ADGRL3: variants seen among roughly 807,000 people sequenced by gnomAD.
ADGRL3 encodes adhesion G protein-coupled receptor L3.
ADGRL3 carries 62 observed loss-of-function variants against 153.5 expected under a neutral mutation model. The ratio of observed to expected loss-of-function variants is 0.40; its 90% CI spans 0.33 to 0.50. The LOEUF (loss-of-function observed/expected upper bound fraction) is 0.50, where lower values mean the gene tolerates loss of function less well. ADGRL3 is among the 20% of genes least tolerant of loss of function. ADGRL3 has a pLI of 0.47. For synonymous variants in ADGRL3, 710 were observed against 672.5 expected, an observed-to-expected ratio of 1.06 and a Z score of -0.86; for missense variants, 1,641 against 1,859.4, an observed-to-expected ratio of 0.88 and a Z score of 2.16.
At chr4:61,868,576 C>T (rs2098416908) in intron 9 of ADGRL3, among the ~76,000 whole-genome samples, 1 of 152,150 alleles carries the variant, frequency 6.6e-6, no homozygotes, top group Non-Finnish European at 1.5e-5. Context: ...CACTGTGACC[C>T]TACTTGCCTT....
At chr4:61,392,993 CAA>C (rs748265942) in intron 2 of ADGRL3, among the ~76,000 whole-genome samples, 1 of 151,978 alleles carries the variant, frequency 6.6e-6, no homozygotes, top group Non-Finnish European at 1.5e-5. Flanking sequence ...GAGTTATACA[CAA>C]TTTTCGAATG....
intron 1 of ADGRL3, among the ~76,000 whole-genome samples, chr4:61,379,019 T>G (rs2096637268): frequency 6.6e-6 from 1 of 152,028 alleles, no homozygotes; most frequent in Admixed American, 6.6e-5. Flanking sequence ...GGGTGAAAAT[T>G]TATTTTCTGT....
rs777002699 is a variant in ADGRL3, at chr4:62,074,525, C to T, written c.*3617C>T. On this transcript the variant is annotated 3_prime_UTR_variant, in exon 27 of 27. Coordinates refer to ENST00000683033, the MANE Select transcript of ADGRL3 (RefSeq NM_001387552.1). ...ATTGGTTGGAATTAAATTTTATGGGCGTCCCTTCTTGTTTCCACTATATTA... is the reference window on the plus strand; with the variant it reads ...ATTGGTTGGAATTAAATTTTATGGGTGTCCCTTCTTGTTTCCACTATATTA... 25 of 152,042 alleles carry T rather than the reference C, an allele frequency of 1.6e-4. No homozygotes were observed. Among genetic ancestry groups the T allele is most frequent in the Non-Finnish European group, 3.2e-4 (22 of 68,002 alleles). The allele number at this position is 152,042 out of a possible 1,614,324, so 9.4% of individuals were successfully genotyped here.
chr4:61,673,782 AT>A (rs1449036013), intron 5 of ADGRL3, among the ~76,000 whole-genome samples: 1 of 151,064 alleles, frequency 6.6e-6, no homozygotes, highest in African/African-American at 2.4e-5. Context: ...TTTCCATTTT[AT>A]TTTTTAATAA....
intron 8 of ADGRL3, among the ~76,000 whole-genome samples, chr4:61,741,483 T>G (rs2096580319): frequency 1.3e-5 from 2 of 152,226 alleles, no homozygotes; most frequent in Non-Finnish European, 2.9e-5. Flanking sequence ...CAGTGCTGCT[T>G]CTTTGCTTGC....
chr4:61,376,943 C>G (rs1263366088), intron 1 of ADGRL3, among the ~76,000 whole-genome samples: 3 of 152,096 alleles, frequency 2.0e-5, no homozygotes, highest in African/African-American at 7.2e-5. Context: ...GAATAGTTCT[C>G]TGCACTAAAG....
intron 2 of ADGRL3, among the ~76,000 whole-genome samples, chr4:61,433,004 A>G (rs913789710): frequency 1.3e-5 from 2 of 152,004 alleles, no homozygotes; most frequent in Non-Finnish European, 2.9e-5. Flanking sequence ...TAGATCAAAG[A>G]TGCATAGAAC....
chr4:61,770,331 A>AT (rs1020581711), intron 8 of ADGRL3, among the ~76,000 whole-genome samples: 21 of 151,770 alleles, frequency 1.4e-4, no homozygotes, highest in Admixed American at 7.2e-4. Flanking sequence ...AACGCCTATT[A>AT]TTTTTTTTCC....
In ADGRL3 at chr4:61,318,165, G is replaced by T. The variant is rs1039717046; in HGVS notation, c.-239-64959G>T. Among the ~76,000 whole-genome samples, 4 of 134,514 alleles carry T rather than the reference G, an allele frequency of 3.0e-5. No individual in the cohort carries two copies. The East Asian group carries it at 9.6e-4, about 32-fold the overall frequency. The allele number at this position is 134,514 out of a possible 152,430, so 88.2% of individuals were successfully genotyped here. ...GCCAAGATTGCACCACTGCACTCTA[G>T]CCTGGGTGATAGAGTGAGAACCTGT... On this transcript the variant is annotated intron_variant, in intron 1 of 26. Transcript: ENST00000683033.
intron 8 of ADGRL3, among the ~76,000 whole-genome samples, chr4:61,777,334 C>CAA (rs780404732): frequency 7.1e-6 from 1 of 140,114 alleles, no homozygotes; most frequent in African/African-American, 2.6e-5. Context: ...GACTCCATCT[C>CAA]AAAAAAAAAA....
chr4:61,233,963 C>G (rs1751790930), intron 1 of ADGRL3, among the ~76,000 whole-genome samples: 1 of 151,938 alleles, frequency 6.6e-6, no homozygotes, highest in South Asian at 2.1e-4. Flanking sequence ...ATGGTGATGT[C>G]ATTTTGTGGT....
At chr4:61,592,645 C>T (rs756862429) in intron 5 of ADGRL3, among the ~76,000 whole-genome samples, 3 of 152,086 alleles carry the variant, frequency 2.0e-5, no homozygotes, top group Non-Finnish European at 4.4e-5. Flanking sequence ...TATTTCTTCT[C>T]CTCTAATATT....
intron 5 of ADGRL3, among the ~76,000 whole-genome samples, chr4:61,664,981 G>A (rs544631344): frequency 1.3e-5 from 2 of 152,276 alleles, no homozygotes; most frequent in South Asian, 2.1e-4. Flanking sequence ...TAAGATGATC[G>A]TGTAAACATC....
chr4:61,485,511 T>G (rs1312980439), intron 2 of ADGRL3, among the ~76,000 whole-genome samples: 2 of 152,178 alleles, frequency 1.3e-5, no homozygotes, highest in Non-Finnish European at 2.9e-5. Flanking sequence ...TAAACTCAAA[T>G]TGTCTATGTG....
intron 8 of ADGRL3, among the ~76,000 whole-genome samples, chr4:61,791,542 G>T (rs1053296387): frequency 1.3e-5 from 2 of 152,174 alleles, no homozygotes; most frequent in East Asian, 1.9e-4. Context: ...TTTTCCAGGT[G>T]CATGGTGCAA....
intron 8 of ADGRL3, among the ~76,000 whole-genome samples, chr4:61,738,694 T>A (rs988112714): frequency 2.6e-5 from 4 of 152,304 alleles, no homozygotes; most frequent in East Asian, 1.9e-4. Context: ...TCACATTTTT[T>A]AAAATCCCTA....
chr4:61,642,258 G>A (rs961691277), intron 5 of ADGRL3, among the ~76,000 whole-genome samples: 4 of 152,088 alleles, frequency 2.6e-5, no homozygotes, highest in African/African-American at 9.7e-5. Context: ...TCTGATGGCA[G>A]TTTCTTTTGC....
intron 1 of ADGRL3, among the ~76,000 whole-genome samples, chr4:61,311,122 C>T (rs2094986611): frequency 6.6e-6 from 1 of 151,998 alleles, no homozygotes; most frequent in African/African-American, 2.4e-5. Flanking sequence ...AAACAAAATC[C>T]TAATATTTTT....
chr4:61,730,081 T>C (rs2096413613), intron 6 of ADGRL3, among the ~76,000 whole-genome samples: 1 of 151,390 alleles, frequency 6.6e-6, no homozygotes. Context: ...TAATGTGTAG[T>C]CTCATGAGGT....
Sources: gnomAD v4.1 joint callset for allele counts (sites outside exome capture counted in the v4.1 genomes callset) on GRCh38, gnomAD v4.1.1 for gene constraint, MANE v1.5 for transcripts, NCBI Gene and HGNC (gene_info 2026-07-23, HGNC 2026-07-21) for gene names.